The following BNC2 variants were observed in gnomAD, a reference collection of about 807,000 sequenced individuals.
BNC2 encodes basonuclin zinc finger protein 2, also known as zinc finger protein basonuclin-2.
In BNC2, 20 loss-of-function variants were observed where a neutral mutation model predicts 76.3. That is an observed-to-expected ratio of 0.26 (90% CI 0.18 to 0.38). The LOEUF (loss-of-function observed/expected upper bound fraction) is 0.38, where lower values mean the gene tolerates loss of function less well. Among genes scored for constraint, BNC2 ranks in the 10% least tolerant of loss-of-function variants. The pLI, the probability that BNC2 is intolerant of heterozygous loss-of-function variation, is 1.00. For synonymous variants in BNC2, 582 were observed against 514.8 expected (o/e 1.13, Z -1.77); for missense variants, 1,382 against 1,399.8 (o/e 0.99, Z 0.20).
At chr9:16,654,762 A>G (rs967156062) in intron 3 of BNC2, among the ~76,000 whole-genome samples, 10 of 151,296 alleles carry the variant, frequency 6.6e-5, no homozygotes, top group African/African-American at 2.4e-4. Flanking sequence ...TCAGATAAGA[A>G]GGTTTTGGAC....
chr9:16,771,393 G>A (rs1825827893), intron 1 of BNC2, among the ~76,000 whole-genome samples: 2 of 152,106 alleles, frequency 1.3e-5, no homozygotes, highest in South Asian at 4.2e-4. Context: ...GTGTTCCCAG[G>A]TATGTGAGAT....
intron 2 of BNC2, among the ~76,000 whole-genome samples, chr9:16,732,632 T>C (rs748149783): frequency 2.0e-5 from 3 of 152,236 alleles, no homozygotes; most frequent in Non-Finnish European, 4.4e-5. Flanking sequence ...GATTCTATAA[T>C]CTGTAATGTG....
In BNC2 at chr9:16,413,580, G is replaced by C. The variant is rs991924318; in HGVS notation, c.*5409C>G. ...TGATGAAACTACACAAGGAAGGACGGGTATGTGGGCAACAGTGATGACAGA... is the reference window on the plus strand; with the variant it reads ...TGATGAAACTACACAAGGAAGGACGCGTATGTGGGCAACAGTGATGACAGA... On this transcript the variant is annotated 3_prime_UTR_variant, in exon 7 of 7. Coordinates refer to ENST00000380672, the MANE Select transcript of BNC2 (RefSeq NM_017637.6). The C allele has an allele frequency of 6.6e-6, 1 of 152,086 alleles. No homozygotes were observed. The highest frequency in any genetic ancestry group is 2.4e-5 in the African/African-American group (1 of 41,406). 9.4% of individuals were successfully genotyped at this position (152,086 alleles called of 1,614,324 possible).
At chr9:16,488,343 G>A (rs1214385566) in intron 5 of BNC2, among the ~76,000 whole-genome samples, 1 of 152,110 alleles carries the variant, frequency 6.6e-6, no homozygotes, top group Admixed American at 6.5e-5. Flanking sequence ...TAATCAGAGT[G>A]GTGACAACAG....
intron 1 of BNC2, among the ~76,000 whole-genome samples, chr9:16,754,932 T>G (rs1374192739): frequency 2.6e-5 from 4 of 152,150 alleles, no homozygotes; most frequent in Non-Finnish European, 4.4e-5. Context: ...CAAGAAGCAC[T>G]TGAGGGCCAC....
chr9:16,645,324 T>C (rs1057354195), intron 3 of BNC2, among the ~76,000 whole-genome samples: 1 of 152,230 alleles, frequency 6.6e-6, no homozygotes, highest in African/African-American at 2.4e-5. Context: ...ACTACTATTC[T>C]TTATAAAAAA....
At chr9:16,552,887 C>T in intron 4 of BNC2, 122 bp from the exon 5 acceptor site, 1 of 766,898 alleles carries the variant, frequency 1.3e-6, no homozygotes, top group Non-Finnish European at 2.2e-6. Context: ...TGAATGTTCG[C>T]CATAGGTGTT....
At chr9:16,827,029 A>G (rs1402485843) in intron 1 of BNC2, among the ~76,000 whole-genome samples, 3 of 152,248 alleles carry the variant, frequency 2.0e-5, no homozygotes, top group East Asian at 1.9e-4. Flanking sequence ...ATAACCAGCA[A>G]TAAGTGCTAT....
chr9:16,620,768 A>C (rs1307998815), intron 3 of BNC2, among the ~76,000 whole-genome samples: 1 of 152,200 alleles, frequency 6.6e-6, no homozygotes, highest in African/African-American at 2.4e-5. Context: ...TTCTGAAAAC[A>C]ATTTATAAAC....
At chr9:16,451,683 T>C (rs1234666284) in intron 5 of BNC2, among the ~76,000 whole-genome samples, 1 of 152,154 alleles carries the variant, frequency 6.6e-6, no homozygotes, top group Non-Finnish European at 1.5e-5. Context: ...GAAATTAACC[T>C]CTCCATGAAA....
chr9:16,475,117 ACT>A (rs1336084702), intron 5 of BNC2, among the ~76,000 whole-genome samples: 1 of 152,190 alleles, frequency 6.6e-6, no homozygotes, highest in Non-Finnish European at 1.5e-5. Flanking sequence ...GGAAGGCTTT[ACT>A]CTCGTGAAAA....
intron 3 of BNC2, among the ~76,000 whole-genome samples, chr9:16,643,026 C>A (rs997983428): frequency 2.0e-5 from 3 of 152,006 alleles, no homozygotes; most frequent in South Asian, 2.1e-4. Flanking sequence ...TGGTGCCAGG[C>A]CAACAGTAAG....
In BNC2 at chr9:16,437,288, C is replaced by G; in HGVS notation, c.906G>C (p.Glu302Asp). 6.2e-7 allele frequency: 1 copy of G among 1,614,146 alleles called. No individual in the cohort carries two copies. The highest frequency in any genetic ancestry group is 8.5e-7 in the Non-Finnish European group (1 of 1,180,004). ...GATGAATGCTGGAAGGATTGCTGTT[C>G]TCTAAGTGAGCAAGGAGGCTGGGAC... ...TRSPSLLAHL[E>D]NSNPSSIHHF... The change falls in exon 6 of 7, where the codon GAG becomes GAC. Residue 302 changes from glutamate (E) to aspartate (D), a missense_variant. Coordinates refer to ENST00000380672, the MANE Select transcript of BNC2 (RefSeq NM_017637.6).
At chr9:16,743,998 GCT>G (rs1212741221) in intron 1 of BNC2, among the ~76,000 whole-genome samples, 2 of 150,476 alleles carry the variant, frequency 1.3e-5, no homozygotes, top group African/African-American at 2.4e-5. Flanking sequence ...ACGGAGTCTC[GCT>G]CTGTCACCCA....
chr9:16,866,727 A>G (rs1819554427), intron 1 of BNC2, among the ~76,000 whole-genome samples: 1 of 151,396 alleles, frequency 6.6e-6, no homozygotes, highest in African/African-American at 2.4e-5. Flanking sequence ...GCCAGTATTC[A>G]TTACCTACTC....
At chr9:16,608,243 T>C (rs1820437406) in intron 3 of BNC2, among the ~76,000 whole-genome samples, 1 of 152,170 alleles carries the variant, frequency 6.6e-6, no homozygotes, top group East Asian at 1.9e-4. Context: ...AACAACTGAA[T>C]GGTACTACTT....
rs73645838 is a variant in BNC2 at position 16,662,357 on chromosome 9, A to G, written c.330+65440T>C. Among the ~76,000 whole-genome samples the G allele has an allele frequency of 7.8e-3, 1,193 of 152,344 alleles. 25 individuals carry two copies. The highest frequency in any genetic ancestry group is 0.027 in the African/African-American group (1,107 of 41,578). ...ACCACATCGCCAATACTTTATTTAA[A>G]TTCTAGGAGTCATACCTTAAAATAA... is the stretch of plus-strand genomic sequence containing the variant. On this transcript the variant is annotated intron_variant, in intron 3 of 6. Coordinates refer to ENST00000380672, the MANE Select transcript of BNC2 (RefSeq NM_017637.6).
At chr9:16,512,535 TAAAC>T (rs2131943300) in intron 5 of BNC2, among the ~76,000 whole-genome samples, 1 of 152,072 alleles carries the variant, frequency 6.6e-6, no homozygotes, top group East Asian at 1.9e-4. Flanking sequence ...TGTAATTAAA[TAAAC>T]AACCAACTGA....
At chr9:16,617,811 G>C (rs1820753927) in intron 3 of BNC2, among the ~76,000 whole-genome samples, 1 of 152,192 alleles carries the variant, frequency 6.6e-6, no homozygotes, top group Non-Finnish European at 1.5e-5. Flanking sequence ...CAGCTATGCA[G>C]GAAGTAGGTA....
Sources: gnomAD v4.1 joint callset for allele counts (sites outside exome capture counted in the v4.1 genomes callset) on GRCh38, gnomAD v4.1.1 for gene constraint, MANE v1.5 for transcripts, NCBI Gene and HGNC (gene_info 2026-07-23, HGNC 2026-07-21) for gene names.